The following BICDL2 variants were observed in gnomAD, a reference collection of about 807,000 sequenced individuals.
BICDL2 encodes the protein BICD family-like cargo adapter 2.
BICDL2 carries 62 observed loss-of-function variants against 56.6 expected under a neutral mutation model. The observed-to-expected ratio is 1.10, with a 90% CI of 0.89 to 1.35. The LOEUF (loss-of-function observed/expected upper bound fraction) is 1.35, where lower values mean the gene tolerates loss of function less well. Among genes scored for constraint, BICDL2 ranks in the 40% most tolerant of loss-of-function variants. The pLI, the probability that BICDL2 is intolerant of heterozygous loss-of-function variation, is 0.00. For synonymous variants in BICDL2, 358 were observed against 319.8 expected (o/e 1.12, Z -1.27); for missense variants, 808 against 684.5 (o/e 1.18, Z -2.01).
chr16:3,031,605 G>A (rs900749661), intron 2 of BICDL2: 3 of 406,282 alleles, frequency 7.4e-6, no homozygotes, highest in East Asian at 3.5e-5. Context: ...GGTCAGCCCC[G>A]CCCTGGCCCA....
At position 3,035,304 on chromosome 16, in the gene BICDL2, C is replaced by G. The variant is rs751689056; in HGVS notation, c.193G>C (p.Ala65Pro). 6.4e-7 allele frequency: 1 copy of G among 1,566,344 alleles called. No homozygotes were observed. Among genetic ancestry groups the G allele is most frequent in the Admixed American group, 1.9e-5 (1 of 52,764 alleles). ...TCCAGAAGCATCTTGCCGAGCTCCG[C>G]GGCCAACAGCAGGTCTTTCTCCTTC... ...QQKEKDLLLA[A>P]ELGKMLLERN... The change falls in exon 2 of 10, where the codon GCG becomes CCG. Residue 65 changes from alanine (A) to proline (P), a missense_variant. By Grantham distance (27) the Ala-to-Pro change is conservative. Transcript: ENST00000572449.
chr16:3,035,241 T>C lies in BICDL2; in HGVS notation c.256A>G (p.Ser86Gly), dbSNP rs867036018. 2 of 1,339,112 alleles carry C rather than the reference T, an allele frequency of 1.5e-6. No individual in the cohort carries two copies. The highest frequency in any genetic ancestry group is 2.5e-5 in the South Asian group (2 of 81,576). The allele number at this position is 1,339,112 out of a possible 1,614,324, so 83.0% of individuals were successfully genotyped here. The change falls in exon 2 of 10, where the codon AGC becomes GGC. Residue 86 changes from serine (S) to glycine (G), a missense_variant. By Grantham distance (56) the Ser-to-Gly change is moderately conservative. Transcript: ENST00000572449. ...TCCTCACGCTCCAAGTGCTGGGCGC[T>C]CAGCGTCTCCAGCTGCCGCCGCAGC... The part of the protein sequence containing the change: ...EELRRQLETL[S>G]AQHLEREERL...
rs369496016 is a variant in BICDL2, at chr16:3,028,473, G to T, written c.1239-5C>A. The T allele has an allele frequency of 4.5e-4, 713 of 1,571,606 alleles. 7 individuals are homozygous for T. Among genetic ancestry groups the T allele is most frequent in the African/African-American group, 1.3e-3 (98 of 74,390 alleles). On this transcript the variant is annotated splice_polypyrimidine_tract_variant and splice_region_variant and intron_variant, in intron 8 of 9. Transcript: ENST00000572449. ...TGCAGGGACAGCTCCAGGGCCCTAG[G>T]CGGGCAGGAGCAGAAGACGCGTTTG...
In BICDL2 at chr16:3,035,176, T is replaced by TTCCCCCCCCCCCC; in HGVS notation, c.282+38_282+39insGGGGGGGGGGGGA. On this transcript the variant is annotated intron_variant, in intron 2 of 9. Coordinates refer to ENST00000572449, the MANE Select transcript of BICDL2 (RefSeq NM_001369667.1). Reference sequence around the variant, plus strand: ...CTCTCCAGGCCCACCCGTCCTCCCCTGCCCACCCACCCACCCACCCCGTCC... The same window carrying TTCCCCCCCCCCCC: ...CTCTCCAGGCCCACCCGTCCTCCCCTTCCCCCCCCCCCCGCCCACCCACCCACCCACCCCGTCC... 4.5e-4 allele frequency: 61 copies of TTCCCCCCCCCCCC among 136,272 alleles called. 14 individuals carry two copies. Among genetic ancestry groups the TTCCCCCCCCCCCC allele is most frequent in the South Asian group, 1.6e-3 (8 of 4,918 alleles). 8.4% of individuals were successfully genotyped at this position (136,272 alleles called of 1,614,324 possible).
rs1410883506 is a variant in BICDL2 at position 3,029,685 on chromosome 16, G to A, written c.817C>T (p.Gln273Ter). The A allele has an allele frequency of 1.3e-6, 2 of 1,539,928 alleles. No homozygotes were observed. The highest frequency in any genetic ancestry group is 1.7e-6 in the Non-Finnish European group (2 of 1,149,204). Residue 273 changes from glutamine to a stop codon, truncating the protein, a stop_gained, in exon 6 of 10, where the codon CAG (glutamine) becomes TAG (stop). Transcript: ENST00000572449. LOFTEE classifies it high-confidence loss of function. ...GEALSALRRL[Q>*]RRVSELEEES... ...TCCTCCAGCTCGGAGACGCGCCGCTGCAGCCTCCGCAGCGCACTCAGCGCC... is the reference window on the plus strand; with the variant it reads ...TCCTCCAGCTCGGAGACGCGCCGCTACAGCCTCCGCAGCGCACTCAGCGCC...
In BICDL2 at chr16:3,030,384, C is replaced by T. The variant is rs551430504; in HGVS notation, c.762+65G>A. ...AGTGATCCAGCTCCGGCCTCATCTCCCAGAAAGCCCTGAAGCCATTGCTAA... is the reference window on the plus strand; with the variant it reads ...AGTGATCCAGCTCCGGCCTCATCTCTCAGAAAGCCCTGAAGCCATTGCTAA... On this transcript the variant is annotated intron_variant, in intron 5 of 9. Coordinates refer to ENST00000572449, the MANE Select transcript of BICDL2 (RefSeq NM_001369667.1). 3.1e-4 allele frequency: 483 copies of T among 1,552,844 alleles called. 2 individuals are homozygous for T. The South Asian group carries it at 3.6e-3, about 12-fold the overall frequency.
chr16:3,036,614 G>T (rs1242110828), intron 1 of BICDL2: 1 of 376,894 alleles, frequency 2.7e-6, no homozygotes, highest in African/African-American at 2.8e-5. Context: ...CCGCTCCCCC[G>T]CCCCCCTCCA....
chr16:3,035,735 G>T, intron 1 of BICDL2: 1 of 568,426 alleles, frequency 1.8e-6, no homozygotes, highest in Non-Finnish European at 3.1e-6. Context: ...GAAATGACCT[G>T]CCCAGCCTTT....
chr16:3,031,445 G>A (rs965594201), intron 2 of BICDL2: 46 of 532,826 alleles, frequency 8.6e-5, no homozygotes, highest in Non-Finnish European at 9.0e-5. Flanking sequence ...ACCTGAGGTC[G>A]CAAGCGCCGT....
rs1190836413 is a variant in BICDL2 at position 3,030,935 on chromosome 16, C to T, written c.498G>A (p.Gln166=). 1 of 1,546,698 alleles carries T rather than the reference C, an allele frequency of 6.5e-7. No individual in the cohort carries two copies. ...QNLRLSQQLA[Q]ASQTEQELQR... is the part of the protein sequence containing the mutation. ...GGCCCTGGGGTCAGGGCCATCCCAC[C>T]TGAGCCAGCTGCTGGCTGAGCCGGA... Residue 166 remains glutamine, a splice_region_variant and synonymous_variant, in exon 3 of 10, where the codon CAG becomes CAA. Coordinates refer to ENST00000572449, the MANE Select transcript of BICDL2 (RefSeq NM_001369667.1).
chr16:3,035,389 T>A lies in BICDL2; in HGVS notation c.108A>T (p.Ser36=), dbSNP rs1223049110. 6.2e-7 allele frequency: 1 copy of A among 1,609,814 alleles called. No homozygotes were observed. The highest frequency in any genetic ancestry group is 8.5e-7 in the Non-Finnish European group (1 of 1,178,942). Residue 36 remains serine, a synonymous_variant, in exon 2 of 10, where the codon TCA becomes TCT. Coordinates refer to ENST00000572449, the MANE Select transcript of BICDL2 (RefSeq NM_001369667.1). The part of the protein sequence containing the change: ...FFPFVLERRD[S]FLGGGPGPEE... ...CAGGCCCTGGGCCCCCTCCCAGGAATGAGTCCCGCCGCTCCAGCACAAAGG... is the reference window on the plus strand; with the variant it reads ...CAGGCCCTGGGCCCCCTCCCAGGAAAGAGTCCCGCCGCTCCAGCACAAAGG...
chr16:3,030,256 A>G (rs1955632258), intron 5 of BICDL2, 193 bp downstream of exon 5: 3 of 670,208 alleles, frequency 4.5e-6, no homozygotes, highest in Admixed American at 3.3e-5. Context: ...CCAGGCTCTG[A>G]TGCACTCTAA....
chr16:3,035,176 T>TTCCCCCCCCCCCCCCCCCCCCCCCC, intron 2 of BICDL2, 39 bp downstream of exon 2: 1 of 136,274 alleles, frequency 7.3e-6, no homozygotes, highest in South Asian at 2.0e-4. Context: ...CGTCCTCCCC[T>TTCCCCCCCCCCCCCCCCCCCCCCCC]GCCCACCCAC....
chr16:3,027,755 G>C lies in BICDL2; in HGVS notation c.*351C>G. 2.2e-6 allele frequency: 3 copies of C among 1,352,052 alleles called. No homozygotes were observed. Among genetic ancestry groups the C allele is most frequent in the Non-Finnish European group, 3.0e-6 (3 of 1,009,800 alleles). The allele number at this position is 1,352,052 out of a possible 1,614,324, so 83.8% of individuals were successfully genotyped here. A position where few individuals can be genotyped will look rare whatever the true frequency, so the allele number is the denominator to read the frequency against. On this transcript the variant is annotated 3_prime_UTR_variant, in exon 10 of 10. Transcript: ENST00000572449. ...ATAAAGTTTCAGGCTTTTTTACCAT[G>C]CTCTTTCTTTCTATGAATGGGGGCC...
Position 3,030,606 on chromosome 16 carries a change from G to A in BICDL2, c.616-11C>T, listed in dbSNP as rs771813524. 1.3e-6 allele frequency: 2 copies of A among 1,596,488 alleles called. No homozygotes were observed. Among genetic ancestry groups the A allele is most frequent in the Middle Eastern group, 1.7e-4 (1 of 6,042 alleles). ...CTGCAGCATCTGGTTCTGGGGAAAG[G>A]CCTGAGAGCTGGGGACAGGGGCAGC... On this transcript the variant is annotated splice_polypyrimidine_tract_variant and intron_variant, in intron 4 of 9. Coordinates refer to ENST00000572449, the MANE Select transcript of BICDL2 (RefSeq NM_001369667.1).
At position 3,027,712 on chromosome 16, in the gene BICDL2, T is replaced by C. The variant is rs1470717981; in HGVS notation, c.*394A>G. The C allele has an allele frequency of 1.5e-5, 8 of 534,648 alleles. No homozygotes were observed. The highest frequency in any genetic ancestry group is 7.3e-5 in the Admixed American group (1 of 13,754). The allele number at this position is 534,648 out of a possible 1,614,324, so 33.1% of individuals were successfully genotyped here. ...GTTTTAGAGTGTTTTTCATTTTCTT[T>C]TTTTTTTTTTTTTTACAATAAAGTT... On this transcript the variant is annotated 3_prime_UTR_variant, in exon 10 of 10. Transcript: ENST00000572449.
rs891852039 is a variant in BICDL2, at chr16:3,027,967, C to T, written c.*139G>A. 8 of 1,260,644 alleles carry T rather than the reference C, an allele frequency of 6.3e-6. No individual in the cohort carries two copies. The Admixed American group carries it at 1.1e-4, about 17-fold the overall frequency. 78.1% of individuals were successfully genotyped at this position (1,260,644 alleles called of 1,614,324 possible). A position where few individuals can be genotyped will look rare whatever the true frequency, so the allele number is the denominator to read the frequency against. ...CCTGCTCCGGATGAGCCCCTGCTCC[C>T]GATGAGCCCTTGCCCAGCATCCTGG... On this transcript the variant is annotated 3_prime_UTR_variant, in exon 10 of 10. Transcript: ENST00000572449.
In BICDL2 at chr16:3,028,767, G is replaced by T; in HGVS notation, c.1171C>A (p.Arg391=). Residue 391 remains arginine, a synonymous_variant, in exon 8 of 10, where the codon CGG becomes AGG. Coordinates refer to ENST00000572449, the MANE Select transcript of BICDL2 (RefSeq NM_001369667.1). The part of the protein sequence containing the change: ...REELQRQKEL[R]AQEDPGEALH... ...GCCTCCCCAGGGTCTTCCTGCGCCC[G>T]CAGCTCCTTCTGCCTCTGCAGCTCT... is the stretch of plus-strand genomic sequence containing the variant. 3.2e-6 allele frequency: 5 copies of T among 1,559,794 alleles called. No homozygotes were observed. Among genetic ancestry groups the T allele is most frequent in the Non-Finnish European group, 3.5e-6 (4 of 1,152,190 alleles).
intron 5 of BICDL2, chr16:3,030,089 A>C: frequency 2.2e-6 from 1 of 456,034 alleles, no homozygotes; most frequent in Non-Finnish European, 3.9e-6. Context: ...AAGGAAGGCA[A>C]GCTGACCCCA....
Sources: allele counts gnomAD v4.1 joint callset, GRCh38; gene constraint gnomAD v4.1.1; transcripts MANE v1.5; gene names NCBI Gene and HGNC (gene_info 2026-07-23, HGNC 2026-07-21).